The following CEP170B variants were observed in gnomAD, a reference collection of about 807,000 sequenced individuals.
CEP170B encodes the protein centrosomal protein of 170 kDa protein B.
A neutral mutation model predicts 120.6 loss-of-function variants in CEP170B; 55 were observed. That is an observed-to-expected ratio of 0.46 (90% confidence interval 0.37 to 0.57). CEP170B has a LOEUF of 0.57. Among genes scored for constraint, CEP170B ranks in the 20% least tolerant of loss-of-function variants. The pLI, the probability that CEP170B is intolerant of heterozygous loss-of-function variation, is 0.00. For synonymous variants in CEP170B, 1,033 were observed against 954.5 expected (o/e 1.08, Z -1.52); for missense variants, 2,212 against 2,253.3 (o/e 0.98, Z 0.37).
In CEP170B at chr14:104,884,203, G is replaced by A. The variant is rs772670141; in HGVS notation, c.1424G>A (p.Arg475Gln). 7.8e-5 allele frequency: 121 copies of A among 1,544,382 alleles called. No homozygotes were observed. Among genetic ancestry groups the A allele is most frequent in the Middle Eastern group, 5.1e-4 (3 of 5,888 alleles). ...CTCAAGCGGGAGAAGACAGAGGAAC[G>A]GCTGGGCAGCCCCTCGCCCGCCTCC... The part of the protein sequence containing the change: ...GSLKREKTEE[R>Q]LGSPSPASRT... The change falls in exon 9 of 19, where the codon CGG becomes CAG. Residue 475 changes from arginine (R) to glutamine (Q), a missense_variant. Arg to Gln is a conservative substitution (Grantham distance 43, BLOSUM62 1). Coordinates refer to ENST00000414716, the MANE Select transcript of CEP170B (RefSeq NM_001112726.3).
rs1566852327 is a variant in CEP170B, at chr14:104,872,339, CGTGTGTGTG to C, written c.105+3785_105+3793del. ...TGTGCCGTGGGTGTGCGTGGGTGTG[CGTGTGTGTG>C]CGTGTGTGTGCCGCGTGTGTGTGCC... On this transcript the variant is annotated intron_variant, in intron 2 of 18. Coordinates refer to ENST00000414716, the MANE Select transcript of CEP170B (RefSeq NM_001112726.3). Among the ~76,000 whole-genome samples the C allele has an allele frequency of 1.5e-4, 9 of 59,124 alleles. 1 individual carries two copies. Among genetic ancestry groups the C allele is most frequent in the African/African-American group, 4.3e-4 (9 of 20,712 alleles). 38.8% of individuals were successfully genotyped at this position (59,124 alleles called of 152,430 possible).
intron 5 of CEP170B, among the ~76,000 whole-genome samples, chr14:104,880,030 C>G (rs1164463413): frequency 6.6e-6 from 1 of 152,146 alleles, no homozygotes; most frequent in African/African-American, 2.4e-5. Flanking sequence ...ATGATCGCAG[C>G]CTGCTCTGTC....
Position 104,896,479 on chromosome 14 carries a change from T to C in CEP170B, c.*1521T>C. On this transcript the variant is annotated 3_prime_UTR_variant, in exon 19 of 19. Transcript: ENST00000414716. ...CCGCCTGCCCCTGGACATGAAGTGG[T>C]CACGCTTCATCCACGGCTCCTTCCC... 1 of 425,564 alleles carries C rather than the reference T, an allele frequency of 2.3e-6. No homozygotes were observed. Among genetic ancestry groups the C allele is most frequent in the Non-Finnish European group, 4.8e-6 (1 of 209,890 alleles). 26.4% of individuals were successfully genotyped at this position (425,564 alleles called of 1,614,324 possible).
chr14:104,864,601 C>G (rs1035603387), upstream of CEP170B, among the ~76,000 whole-genome samples: 4 of 152,172 alleles, frequency 2.6e-5, no homozygotes, highest in African/African-American at 9.7e-5. This position sits in a 1 kb window ranked among gnomAD's most constrained non-coding sequence, Gnocchi z 5.9. Flanking sequence ...CACCCCCACC[C>G]CTCGGCCAGG....
chr14:104,873,903 C>T (rs953239569), intron 2 of CEP170B, among the ~76,000 whole-genome samples: 1 of 152,200 alleles, frequency 6.6e-6, no homozygotes, highest in African/African-American at 2.4e-5. Context: ...GCAGGTCCCC[C>T]TGGCCCCGTG....
intron 3 of CEP170B, 89 bp downstream of exon 3, chr14:104,876,434 C>T: frequency 2.5e-6 from 3 of 1,218,350 alleles, no homozygotes; most frequent in Non-Finnish European, 3.5e-6. Flanking sequence ...CTCCCCCAGT[C>T]ATAGCCCCTC....
chr14:104,885,857 G>T (rs1735256176), intron 10 of CEP170B, among the ~76,000 whole-genome samples, 183 bp from the exon 11 acceptor site: 1 of 152,240 alleles, frequency 6.6e-6, no homozygotes, highest in East Asian at 1.9e-4. Flanking sequence ...GCAAGTCCAG[G>T]CGAGGCAACT....
intron 2 of CEP170B, among the ~76,000 whole-genome samples, chr14:104,874,220 G>C (rs760598128): frequency 6.6e-6 from 1 of 152,202 alleles, no homozygotes; most frequent in Non-Finnish European, 1.5e-5. Flanking sequence ...TCCAATGGAG[G>C]AGGTGATGTC....
Position 104,884,097 on chromosome 14 carries a change from C to A in CEP170B, c.1318C>A (p.Pro440Thr). ...GGCCGACAAGCGCCGTGGCCCAACG[C>A]CGGCCGATAGGGACCGCCCCAGTGT... ...PKADKRRGPT[P>T]ADRDRPSVPA... Residue 440 changes from proline to threonine, a missense_variant, in exon 9 of 19, where the codon CCG becomes ACG. Physicochemically the swap from Pro to Thr is conservative, Grantham distance 38 (BLOSUM62 -1). This residue lies in a region of CEP170B where 2,166 missense variants were observed against 2,166.7 expected (regional missense o/e 1.00). Transcript: ENST00000414716. 6.3e-7 allele frequency: 1 copy of A among 1,586,812 alleles called. No homozygotes were observed. Among genetic ancestry groups the A allele is most frequent in the Non-Finnish European group, 8.6e-7 (1 of 1,166,960 alleles).
intron 2 of CEP170B, among the ~76,000 whole-genome samples, chr14:104,875,773 G>A (rs926789584): frequency 6.6e-6 from 1 of 152,226 alleles, no homozygotes; most frequent in Admixed American, 6.5e-5. Context: ...TCCTCCGGGG[G>A]GGTGGTCCTG....
intron 2 of CEP170B, among the ~76,000 whole-genome samples, chr14:104,872,605 G>A (rs576491261): frequency 2.6e-5 from 4 of 152,224 alleles, no homozygotes; most frequent in South Asian, 2.1e-4. Context: ...GGTGTCCTCC[G>A]TGAGAGCGTG....
Position 104,894,287 on chromosome 14 carries a change from T to A in CEP170B, c.4274T>A (p.Ile1425Asn). 6.2e-7 allele frequency: 1 copy of A among 1,612,814 alleles called. No individual in the cohort carries two copies. The highest frequency in any genetic ancestry group is 8.5e-7 in the Non-Finnish European group (1 of 1,179,154). Residue 1425 changes from isoleucine to asparagine, a missense_variant and splice_region_variant, in exon 17 of 19, where the codon ATC becomes AAC. This residue lies in a region of CEP170B where 2,166 missense variants were observed against 2,166.7 expected (regional missense o/e 1.00). Transcript: ENST00000414716. ...CTGCCTCCCCCTACCTCGGACAGGA[T>A]CCTCTTTCAGAACACAGGGAGAGCT... is the stretch of plus-strand genomic sequence containing the variant. ...NTEHLAEKMK[I>N]LFQNTGRAWE... is the part of the protein sequence containing the mutation.
At position 104,895,250 on chromosome 14, in the gene CEP170B, C is replaced by T. The variant is rs939940321; in HGVS notation, c.*292C>T. On this transcript the variant is annotated 3_prime_UTR_variant, in exon 19 of 19. Coordinates refer to ENST00000414716, the MANE Select transcript of CEP170B (RefSeq NM_001112726.3). ...GGTCAAGCCCTCAAGGGCATTACCC[C>T]GCCTCCTCTTCATCACTGTTATTTT... 45 of 412,690 alleles carry T rather than the reference C, an allele frequency of 1.1e-4. No homozygotes were observed. Among genetic ancestry groups the T allele is most frequent in the African/African-American group, 6.2e-5 (3 of 48,736 alleles). 25.6% of individuals were successfully genotyped at this position (412,690 alleles called of 1,614,324 possible).
chr14:104,882,647 C>G, intron 6 of CEP170B, 81 bp from the exon 7 acceptor site: 1 of 1,166,610 alleles, frequency 8.6e-7, no homozygotes. Flanking sequence ...CAGAGTCCAG[C>G]CTCTCCTGGG....
intron 2 of CEP170B, among the ~76,000 whole-genome samples, chr14:104,872,230 CGTGCGTGT>C (rs1445302909): frequency 3.0e-5 from 3 of 100,926 alleles, no homozygotes; most frequent in African/African-American, 8.1e-5. Flanking sequence ...ATGGGTGTGC[CGTGCGTGT>C]GTGCGTGTGT....
chr14:104,889,499 C>T, intron 12 of CEP170B, 121 bp from the exon 13 acceptor site: 1 of 1,551,078 alleles, frequency 6.4e-7, no homozygotes, highest in Non-Finnish European at 8.7e-7. Flanking sequence ...CTTCTAAAAC[C>T]AATTCACTCA....
chr14:104,879,207 G>A (rs760082674), intron 5 of CEP170B, among the ~76,000 whole-genome samples: 1 of 152,152 alleles, frequency 6.6e-6, no homozygotes, highest in Non-Finnish European at 1.5e-5. Context: ...GGGGAATTTG[G>A]TCTCTCTGTG....
rs1468503862 is a variant in CEP170B, at chr14:104,886,133, A to G, written c.2035+3A>G. On this transcript the variant is annotated splice_donor_region_variant and intron_variant, in intron 11 of 18. Coordinates refer to ENST00000414716, the MANE Select transcript of CEP170B (RefSeq NM_001112726.3). ...CTACTCAGACCCGGGCCTCACAGGT[A>G]AGTGGCTCCAGTGCTGCGGGGGAGT... 2.6e-6 allele frequency: 4 copies of G among 1,533,758 alleles called. No homozygotes were observed. The highest frequency in any genetic ancestry group is 3.5e-6 in the Non-Finnish European group (4 of 1,141,270).
chr14:104,886,978 C>G lies in CEP170B; in HGVS notation c.2739C>G (p.Ile913Met), dbSNP rs1204640329. 1.9e-6 allele frequency: 3 copies of G among 1,609,108 alleles called. No individual in the cohort carries two copies. Among genetic ancestry groups the G allele is most frequent in the Admixed American group, 1.7e-5 (1 of 60,028 alleles). The change falls in exon 12 of 19, where the codon ATC becomes ATG. Residue 913 changes from isoleucine (I) to methionine (M), a missense_variant. Coordinates refer to ENST00000414716, the MANE Select transcript of CEP170B (RefSeq NM_001112726.3). Reference sequence around the variant, plus strand: ...TCCACTCCCAGGACACCCACCTGATCTTGAAGGAGACGGAGACGGCCCTGG... The same window carrying G: ...TCCACTCCCAGGACACCCACCTGATGTTGAAGGAGACGGAGACGGCCCTGG... ...MDFHSQDTHL[I>M]LKETETALAA...
Sources: allele counts gnomAD v4.1 joint callset (sites outside exome capture counted in the v4.1 genomes callset), GRCh38; gene constraint gnomAD v4.1.1; regional missense constraint gnomAD v4.1.1; non-coding constraint Gnocchi (gnomAD v3.1); transcripts MANE v1.5; gene names NCBI Gene and HGNC (gene_info 2026-07-23, HGNC 2026-07-21).